TRAPPC9: variants seen among roughly 807,000 people sequenced by gnomAD.
The protein encoded by TRAPPC9 is IKK2 binding protein.
A neutral mutation model predicts 124.0 loss-of-function variants in TRAPPC9; 83 were observed. That is an observed-to-expected ratio of 0.67 (90% CI 0.56 to 0.80). The LOEUF (loss-of-function observed/expected upper bound fraction) is 0.80. Among genes scored for constraint, TRAPPC9 ranks in the 30% least tolerant of loss-of-function variants. TRAPPC9 has a pLI of 0.00. For missense variants in TRAPPC9, 1,302 were observed against 1,508.3 expected, an observed-to-expected ratio of 0.86 and a Z score of 2.27; for synonymous variants, 638 against 617.5, an observed-to-expected ratio of 1.03 and a Z score of -0.49.
At chr8:139,947,788 A>C (rs1040345198) in intron 19 of TRAPPC9, among the ~76,000 whole-genome samples, 15 of 150,782 alleles carry the variant, frequency 9.9e-5, no homozygotes, top group Non-Finnish European at 1.8e-4. Flanking sequence ...GAATCACCTG[A>C]ACCTGGGAGG....
chr8:139,748,666 C>A (rs886215028), intron 21 of TRAPPC9, among the ~76,000 whole-genome samples: 1 of 152,002 alleles, frequency 6.6e-6, no homozygotes, highest in Non-Finnish European at 1.5e-5. Flanking sequence ...TCTGCCTGGG[C>A]ATCTGCCATT....
chr8:140,438,955 G>T, intron 3 of TRAPPC9, 97 bp downstream of exon 3: 1 of 1,511,962 alleles, frequency 6.6e-7, no homozygotes, highest in African/African-American at 1.4e-5. Context: ...CTCCCAAAGT[G>T]CTGGGATTAC....
chr8:139,868,568 A>G (rs1172195574), intron 21 of TRAPPC9, among the ~76,000 whole-genome samples: 4 of 152,190 alleles, frequency 2.6e-5, no homozygotes, highest in African/African-American at 9.6e-5. Context: ...AAATATAAAT[A>G]TATTGGGAAA....
At chr8:140,290,898 A>G (rs899919641) in intron 12 of TRAPPC9, 95 bp downstream of exon 12, 3 of 963,740 alleles carry the variant, frequency 3.1e-6, no homozygotes, top group Admixed American at 1.8e-5. Flanking sequence ...ACAGACACAT[A>G]TCGTAAGATG....
chr8:140,183,657 G>C (rs562731090), intron 17 of TRAPPC9, among the ~76,000 whole-genome samples: 8 of 151,712 alleles, frequency 5.3e-5, no homozygotes, highest in Non-Finnish European at 1.2e-4. Context: ...TCAGGGGTTC[G>C]AGACCAGCCT....
intron 17 of TRAPPC9, among the ~76,000 whole-genome samples, chr8:140,194,455 G>A (rs2062586103): frequency 1.3e-5 from 2 of 152,120 alleles, no homozygotes. Flanking sequence ...TATTATTTAG[G>A]AACTAATGAT....
chr8:139,849,384 C>T (rs1563861525), intron 21 of TRAPPC9, among the ~76,000 whole-genome samples: 1 of 152,244 alleles, frequency 6.6e-6, no homozygotes, highest in Non-Finnish European at 1.5e-5. Context: ...AAGGCCATGA[C>T]TCTGGGAAAG....
intron 21 of TRAPPC9, among the ~76,000 whole-genome samples, chr8:139,824,163 T>C (rs938816472): frequency 6.6e-6 from 1 of 152,170 alleles, no homozygotes; most frequent in Non-Finnish European, 1.5e-5. Flanking sequence ...TTAAAGAAAG[T>C]GGTCAGGTCT....
chr8:140,408,341 A>C (rs898510599), intron 5 of TRAPPC9, among the ~76,000 whole-genome samples: 1 of 152,152 alleles, frequency 6.6e-6, no homozygotes, highest in Non-Finnish European at 1.5e-5. Flanking sequence ...CAGCCCAACA[A>C]TGCTTTCATC....
rs924715988 is a variant in TRAPPC9 at position 140,223,419 on chromosome 8, T to C, written c.2432-1836A>G. Among the ~76,000 whole-genome samples the C allele has an allele frequency of 3.3e-5, 5 of 152,198 alleles. No individual in the cohort carries two copies. In the East Asian group the frequency reaches 9.6e-4, roughly 29 times the overall value. ...CACATGAATGGATGTTTAGTAAACT[T>C]GATTGGATGGATGGATGGGTAGACG... On this transcript the variant is annotated intron_variant, in intron 16 of 22. Transcript: ENST00000438773.
At chr8:139,879,112 G>A (rs897306672) in intron 21 of TRAPPC9, among the ~76,000 whole-genome samples, 1 of 152,258 alleles carries the variant, frequency 6.6e-6, no homozygotes, top group Non-Finnish European at 1.5e-5. Context: ...CGGCCTACGG[G>A]TGTGATAGAA....
At chr8:140,044,107 A>C (rs1841430717) in intron 17 of TRAPPC9, among the ~76,000 whole-genome samples, 1 of 152,106 alleles carries the variant, frequency 6.6e-6, no homozygotes, top group South Asian at 2.1e-4. Flanking sequence ...AAGACGTGCC[A>C]AGGTAGACGG....
intron 17 of TRAPPC9, among the ~76,000 whole-genome samples, chr8:140,028,151 T>C (rs1840272397): frequency 1.3e-5 from 2 of 151,986 alleles, no homozygotes. Flanking sequence ...TTATATATTA[T>C]ATATATGGTC....
chr8:139,802,941 G>T (rs1823645930), intron 21 of TRAPPC9, among the ~76,000 whole-genome samples: 1 of 152,072 alleles, frequency 6.6e-6, no homozygotes, highest in African/African-American at 2.4e-5. Flanking sequence ...ATGTGTGAAT[G>T]TGTATGTGAA....
Position 139,946,824 on chromosome 8 carries a change from T to TTA in TRAPPC9, c.2811-36525_2811-36524insTA, listed in dbSNP as rs1491207256. Among the ~76,000 whole-genome samples the TTA allele has an allele frequency of 1.6e-4, 24 of 148,058 alleles. No homozygotes were observed. The South Asian group carries it at 2.6e-3, about 16-fold the overall frequency. ...TGAAACCCTGTCTCTGCTAAAAATT[T>TTA]AAAAAAAAAAAAATTATCCAGGCAT... On this transcript the variant is annotated intron_variant, in intron 19 of 22. Coordinates refer to ENST00000438773, the MANE Select transcript of TRAPPC9 (RefSeq NM_001160372.4).
At chr8:140,378,095 G>A (rs150734277) in intron 7 of TRAPPC9, among the ~76,000 whole-genome samples, 5 of 152,194 alleles carry the variant, frequency 3.3e-5, no homozygotes, top group African/African-American at 4.8e-5. Flanking sequence ...CATTCAGAAC[G>A]TAGCTTCTCA....
intron 19 of TRAPPC9, among the ~76,000 whole-genome samples, chr8:139,959,553 A>C (rs1369680690): frequency 6.6e-6 from 1 of 152,192 alleles, no homozygotes; most frequent in African/African-American, 2.4e-5. Flanking sequence ...AAGGAAGAGC[A>C]CTGCCAGGGT....
At chr8:139,894,452 A>T (rs757388430) in intron 20 of TRAPPC9, among the ~76,000 whole-genome samples, 8 of 152,048 alleles carry the variant, frequency 5.3e-5, no homozygotes, top group Non-Finnish European at 1.0e-4. Context: ...GCCTGGGCTC[A>T]GCCCCACTGC....
intron 15 of TRAPPC9, among the ~76,000 whole-genome samples, chr8:140,255,925 T>C (rs1283298742): frequency 1.3e-5 from 2 of 152,214 alleles, no homozygotes; most frequent in East Asian, 1.9e-4. Flanking sequence ...GAGATTCTTA[T>C]AGGAATTTAG....
Sources: gnomAD v4.1 joint callset for allele counts (sites outside exome capture counted in the v4.1 genomes callset) on GRCh38, gnomAD v4.1.1 for gene constraint, MANE v1.5 for transcripts, NCBI Gene and HGNC (gene_info 2026-07-23, HGNC 2026-07-21) for gene names.